Variants in TNPO1 observed in about 807,000 individuals in gnomAD.
TNPO1 encodes transportin 1, also known as transportin-1.
In TNPO1, 8 loss-of-function variants were observed where a neutral mutation model predicts 119.5. The ratio of observed to expected loss-of-function variants is 0.07; its 90% CI spans 0.04 to 0.12. TNPO1 has a LOEUF of 0.12. TNPO1 is among the 10% of genes least tolerant of loss of function. TNPO1 has a pLI of 1.00. For missense variants in TNPO1, 576 were observed against 1,089.8 expected (o/e 0.53, Z 6.64); for synonymous variants, 362 against 363.0 (o/e 1.00, Z 0.03).
At chr5:72,906,586 C>T (rs1750187129) in intron 24 of TNPO1, among the ~76,000 whole-genome samples, 3 of 152,100 alleles carry the variant, frequency 2.0e-5, no homozygotes, top group Admixed American at 2.0e-4. Context: ...CCACTGAGCC[C>T]AGTGCCTAGG....
chr5:72,853,444 A>C (rs1000015732), intron 3 of TNPO1, among the ~76,000 whole-genome samples: 4 of 152,208 alleles, frequency 2.6e-5, no homozygotes, highest in African/African-American at 9.6e-5. Context: ...TACTTAAAAA[A>C]ACACAAACAC....
At chr5:72,892,067 A>G (rs955562563) in intron 15 of TNPO1, among the ~76,000 whole-genome samples, 171 bp downstream of exon 15, 4 of 152,062 alleles carry the variant, frequency 2.6e-5, no homozygotes, top group Non-Finnish European at 5.9e-5. Flanking sequence ...AATAAATTAG[A>G]GTTTTAAGTT....
chr5:72,874,120 T>C (rs530719660), intron 7 of TNPO1, among the ~76,000 whole-genome samples: 5 of 152,132 alleles, frequency 3.3e-5, no homozygotes, highest in Admixed American at 1.3e-4. Context: ...TTAAAATATT[T>C]TGCTTTACTA....
chr5:72,903,742 T>C lies in TNPO1; in HGVS notation c.2548T>C (p.Trp850Arg). 6.2e-7 allele frequency: 1 copy of C among 1,608,314 alleles called. No individual in the cohort carries two copies. Among genetic ancestry groups the C allele is most frequent in the Non-Finnish European group, 8.5e-7 (1 of 1,177,382 alleles). Residue 850 changes from tryptophan to arginine, a missense_variant, in exon 23 of 25, where the codon TGG becomes CGG. By Grantham distance (101) the Trp-to-Arg change is moderately radical. This residue lies in a region of TNPO1 where 162 missense variants were observed against 294.1 expected (regional missense o/e 0.55). Coordinates refer to ENST00000337273, the MANE Select transcript of TNPO1 (RefSeq NM_002270.4). ...ATTTTTTTGTGATGCCGTTGCATCA[T>C]GGATTAACCCAAAAGATGATCTCAG... is the stretch of plus-strand genomic sequence containing the variant. Reference protein sequence around the residue: ...FIFFCDAVASWINPKDDLRDM... With the variant: ...FIFFCDAVASRINPKDDLRDM...
intron 1 of TNPO1, among the ~76,000 whole-genome samples, chr5:72,833,461 C>T (rs1036952794): frequency 2.0e-5 from 3 of 152,086 alleles, no homozygotes; most frequent in African/African-American, 7.2e-5. Flanking sequence ...TAGATGTTGT[C>T]TAGTACTCAT....
chr5:72,904,338 CTACTT>C (rs1217285405), intron 23 of TNPO1, among the ~76,000 whole-genome samples: 2 of 152,172 alleles, frequency 1.3e-5, no homozygotes, highest in Admixed American at 6.5e-5. Flanking sequence ...GATGACTTCT[CTACTT>C]TATCTTTTCG....
intron 1 of TNPO1, among the ~76,000 whole-genome samples, chr5:72,830,860 A>G (rs1320314534): frequency 6.6e-6 from 1 of 152,168 alleles, no homozygotes; most frequent in African/African-American, 2.4e-5. Flanking sequence ...TAATGGAAAT[A>G]GTATGTGTTT....
chr5:72,905,192 T>C, intron 23 of TNPO1, 111 bp from the exon 24 acceptor site: 1 of 839,884 alleles, frequency 1.2e-6, no homozygotes, highest in Non-Finnish European at 1.9e-6. Flanking sequence ...GAATTGCTAC[T>C]TTAAAATGGA....
rs117993423 is a variant in TNPO1, at chr5:72,873,685, C to T, written c.678+965C>T. On this transcript the variant is annotated intron_variant, in intron 7 of 24. Coordinates refer to ENST00000337273, the MANE Select transcript of TNPO1 (RefSeq NM_002270.4). ...AGGTAGTATAATGTAGTGGATAATACTAGAGGTCTGGAGTAGACTATTGGT... is the reference window on the plus strand; with the variant it reads ...AGGTAGTATAATGTAGTGGATAATATTAGAGGTCTGGAGTAGACTATTGGT... Among the ~76,000 whole-genome samples the T allele has an allele frequency of 6.0e-4, 92 of 152,214 alleles. No homozygotes were observed. The East Asian group carries it at 0.014, about 24-fold the overall frequency.
At position 72,914,154 on chromosome 5, in the gene TNPO1, T is replaced by C. The variant is rs1006797196; in HGVS notation, c.*5481T>C. The C allele has an allele frequency of 1.4e-4, 22 of 152,624 alleles. No homozygotes were observed. Among genetic ancestry groups the C allele is most frequent in the African/African-American group, 5.1e-4 (21 of 41,450 alleles). The allele number at this position is 152,624 out of a possible 1,614,324, so 9.5% of individuals were successfully genotyped here. A position where few individuals can be genotyped will look rare whatever the true frequency, so the allele number is the denominator to read the frequency against. ...CTTCTCAAACTGTACTAAATTGATATTTCTTGAAGTCTAACTCTGTGCTAA... is the reference window on the plus strand; with the variant it reads ...CTTCTCAAACTGTACTAAATTGATACTTCTTGAAGTCTAACTCTGTGCTAA... On this transcript the variant is annotated 3_prime_UTR_variant, in exon 25 of 25. Transcript: ENST00000337273.
At chr5:72,848,155 CGCG>C in intron 1 of TNPO1, 1 of 1,210,660 alleles carries the variant, frequency 8.3e-7, no homozygotes. Flanking sequence ...GCTCGGCGGC[CGCG>C]GCGGCAGCAG....
chr5:72,902,471 T>C (rs1303717387), intron 22 of TNPO1, among the ~76,000 whole-genome samples: 2 of 151,970 alleles, frequency 1.3e-5, no homozygotes, highest in East Asian at 3.9e-4. Flanking sequence ...TCTTGAGAGG[T>C]TTCTAGTTAC....
intron 6 of TNPO1, among the ~76,000 whole-genome samples, chr5:72,868,559 T>C (rs542106221): frequency 2.6e-5 from 4 of 152,232 alleles, no homozygotes; most frequent in African/African-American, 9.6e-5. Context: ...ACATTTATTT[T>C]ATAGTCCCTT....
At chr5:72,876,383 TG>T (rs1747774662) in intron 8 of TNPO1, among the ~76,000 whole-genome samples, 1 of 152,216 alleles carries the variant, frequency 6.6e-6, no homozygotes, top group East Asian at 1.9e-4. Flanking sequence ...AGGTACGTTG[TG>T]AAAATCACGT....
intron 6 of TNPO1, among the ~76,000 whole-genome samples, chr5:72,867,654 A>G (rs1747019733): frequency 6.6e-6 from 1 of 152,258 alleles, no homozygotes; most frequent in South Asian, 2.1e-4. Flanking sequence ...AACAGTCTAC[A>G]TCTAAGTCAC....
chr5:72,881,268 G>A (rs573237028), intron 9 of TNPO1, among the ~76,000 whole-genome samples: 9 of 152,132 alleles, frequency 5.9e-5, no homozygotes, highest in Admixed American at 1.3e-4. Flanking sequence ...GTGCCACCAC[G>A]TCCAGCTAAT....
chr5:72,882,965 T>C, intron 10 of TNPO1, 99 bp from the exon 11 acceptor site: 1 of 853,568 alleles, frequency 1.2e-6, no homozygotes, highest in Non-Finnish European at 1.9e-6. Flanking sequence ...CAGAATTCTG[T>C]GCATGACCCC....
At chr5:72,878,840 C>G (rs1372888218) in intron 9 of TNPO1, 1 of 428,566 alleles carries the variant, frequency 2.3e-6, no homozygotes, top group East Asian at 6.7e-5. Flanking sequence ...AGCAGAAATC[C>G]GCTTTTATTT....
chr5:72,846,713 G>T (rs376928215), intron 1 of TNPO1, among the ~76,000 whole-genome samples: 6 of 152,126 alleles, frequency 3.9e-5, no homozygotes, highest in African/African-American at 1.4e-4. Flanking sequence ...CATACTCAGC[G>T]ATCTCTATCT....
Sources: gnomAD v4.1 joint callset for allele counts (sites outside exome capture counted in the v4.1 genomes callset) on GRCh38, gnomAD v4.1.1 for gene constraint, gnomAD v4.1.1 regional missense constraint, MANE v1.5 for transcripts, NCBI Gene and HGNC (gene_info 2026-07-23, HGNC 2026-07-21) for gene names.